The following DHRS7C variants were observed in gnomAD, a reference collection of about 807,000 sequenced individuals.
The protein encoded by DHRS7C is dehydrogenase/reductase SDR family member 7C.
In DHRS7C, 28 loss-of-function variants were observed where a neutral mutation model predicts 29.6. The observed-to-expected ratio is 0.95, with a 90% CI of 0.70 to 1.30. The LOEUF is 1.30. Ranked by LOEUF, DHRS7C falls within the 50% of genes most tolerant of loss-of-function variation. The pLI, the probability that DHRS7C is intolerant of heterozygous loss-of-function variation, is 0.00. For missense variants in DHRS7C, 403 were observed against 393.3 expected (o/e 1.02, Z -0.21); for synonymous variants, 158 against 160.2 (o/e 0.99, Z 0.10).
Position 9,781,473 on chromosome 17 carries a change from A to C in DHRS7C, c.267+9T>G. 3.1e-6 allele frequency: 5 copies of C among 1,613,720 alleles called. No individual in the cohort carries two copies. The highest frequency in any genetic ancestry group is 4.2e-6 in the Non-Finnish European group (5 of 1,179,682). On this transcript the variant is annotated intron_variant, in intron 2 of 5. Transcript: ENST00000571134. ...GGAGTTACCCACGCCTACTGCTAGA[A>C]GACCTTACCTTGCTGGGGTCAGCCA...
chr17:9,778,125 CT>C (rs2066372572), intron 3 of DHRS7C, among the ~76,000 whole-genome samples: 1 of 152,272 alleles, frequency 6.6e-6, no homozygotes, highest in South Asian at 2.1e-4. Flanking sequence ...GGTGCAGTGG[CT>C]CACGCCTGTA....
chr17:9,779,883 C>T lies in DHRS7C; in HGVS notation c.420G>A (p.Leu140=). The part of the protein sequence containing the change: ...KVKGPAHKIS[L]ELDKKIMDAN... ...CATCCATGATCTTTTTGTCGAGCTC[C>T]AGAGAAATCTTATGGGCAGGCCCCT... Residue 140 remains leucine, a synonymous_variant, in exon 3 of 6, where the codon CTG becomes CTA. Transcript: ENST00000571134. 3 of 1,613,794 alleles carry T rather than the reference C, an allele frequency of 1.9e-6. No individual in the cohort carries two copies. The highest frequency in any genetic ancestry group is 2.5e-6 in the Non-Finnish European group (3 of 1,179,856).
rs192356893 is a variant in DHRS7C, at chr17:9,781,599, G to A, written c.155-5C>T. 67 of 1,613,436 alleles carry A rather than the reference G, an allele frequency of 4.2e-5. No individual in the cohort carries two copies. Among genetic ancestry groups the A allele is most frequent in the Non-Finnish European group, 5.6e-5 (66 of 1,179,808 alleles). On this transcript the variant is annotated splice_polypyrimidine_tract_variant and splice_region_variant and intron_variant, in intron 1 of 5. Coordinates refer to ENST00000571134, the MANE Select transcript of DHRS7C (RefSeq NM_001105571.3). Reference sequence around the variant, plus strand: ...TGTGGAACACCCGAGCACACTCTGTGGGGAAGAAGGAAACAGGGCAGGGCA... The same window carrying A: ...TGTGGAACACCCGAGCACACTCTGTAGGGAAGAAGGAAACAGGGCAGGGCA...
At chr17:9,788,460 G>A (rs1367594123) in intron 1 of DHRS7C, among the ~76,000 whole-genome samples, 2 of 152,116 alleles carry the variant, frequency 1.3e-5, no homozygotes, top group Non-Finnish European at 2.9e-5. Flanking sequence ...ACCCGCCTCA[G>A]CCTCCCAAAG....
intron 1 of DHRS7C, 67 bp downstream of exon 1, chr17:9,791,064 G>A: frequency 6.5e-7 from 1 of 1,534,694 alleles, no homozygotes; most frequent in East Asian, 2.4e-5. Context: ...CTGCCGCCCT[G>A]CCACCCTGCC....
chr17:9,773,797 T>G (rs1262365436), intron 4 of DHRS7C, among the ~76,000 whole-genome samples: 2 of 142,094 alleles, frequency 1.4e-5, no homozygotes, highest in Non-Finnish European at 3.0e-5. Flanking sequence ...CGATCTCGGC[T>G]CACTGCAAGC....
intron 4 of DHRS7C, among the ~76,000 whole-genome samples, chr17:9,773,842 A>G (rs1001693942): frequency 6.8e-6 from 1 of 146,580 alleles, no homozygotes; most frequent in Non-Finnish European, 1.5e-5. Flanking sequence ...CTCCTGCCTC[A>G]GCCTCCTGAG....
chr17:9,782,278 A>G (rs1481739268), intron 1 of DHRS7C, among the ~76,000 whole-genome samples: 1 of 152,248 alleles, frequency 6.6e-6, no homozygotes, highest in African/African-American at 2.4e-5. Context: ...AATACTCACA[A>G]TAACCTTATG....
At chr17:9,790,044 C>G (rs2066446005) in intron 1 of DHRS7C, among the ~76,000 whole-genome samples, 1 of 152,110 alleles carries the variant, frequency 6.6e-6, no homozygotes, top group Non-Finnish European at 1.5e-5. Context: ...GAAAACTAAG[C>G]CATCCTCAAA....
At position 9,775,412 on chromosome 17, in the gene DHRS7C, G is replaced by A. The variant is rs1394775335; in HGVS notation, c.571+1781C>T. Among the ~76,000 whole-genome samples, 1 of 152,240 alleles carries A rather than the reference G, an allele frequency of 6.6e-6. No individual in the cohort carries two copies. Among genetic ancestry groups the A allele is most frequent in the Admixed American group, 6.5e-5 (1 of 15,290 alleles). ...TTCTCCCAATAGGATGTGAGCAGCGGTGATGCCAGCCTGGGGACAATGGGA... is the reference window on the plus strand; with the variant it reads ...TTCTCCCAATAGGATGTGAGCAGCGATGATGCCAGCCTGGGGACAATGGGA... On this transcript the variant is annotated intron_variant, in intron 4 of 5. Transcript: ENST00000571134. The surrounding 1 kb of genome is among the most constrained non-coding windows in gnomAD (Gnocchi z 4.2).
chr17:9,791,368 A>G lies in DHRS7C; in HGVS notation c.-84T>C. 1.3e-6 allele frequency: 2 copies of G among 1,504,658 alleles called. No homozygotes were observed. Among genetic ancestry groups the G allele is most frequent in the Non-Finnish European group, 1.8e-6 (2 of 1,111,280 alleles). 93.2% of individuals were successfully genotyped at this position (1,504,658 alleles called of 1,614,324 possible). A position where few individuals can be genotyped will look rare whatever the true frequency, so the allele number is the denominator to read the frequency against. On this transcript the variant is annotated 5_prime_UTR_variant, in exon 1 of 6. Coordinates refer to ENST00000571134, the MANE Select transcript of DHRS7C (RefSeq NM_001105571.3). ...GGACTCCCAGGGCAGGGGGAGGCCC[A>G]AGGCTGCAGGGAGCTCAGCTCTGTG...
At chr17:9,778,694 T>A (rs558253233) in intron 3 of DHRS7C, among the ~76,000 whole-genome samples, 173 of 152,318 alleles carry the variant, frequency 1.1e-3, no homozygotes, top group African/African-American at 3.9e-3. Context: ...GTCATCTTTC[T>A]GCCCCAAATG....
chr17:9,778,265 G>A (rs984329326), intron 3 of DHRS7C, among the ~76,000 whole-genome samples: 3 of 152,012 alleles, frequency 2.0e-5, no homozygotes, highest in Non-Finnish European at 4.4e-5. Context: ...GTGGTGGCGG[G>A]CGCCTGTAGT....
intron 1 of DHRS7C, among the ~76,000 whole-genome samples, chr17:9,788,103 T>A (rs2066434423): frequency 6.6e-6 from 1 of 152,200 alleles, no homozygotes; most frequent in Non-Finnish European, 1.5e-5. Flanking sequence ...ACTGCACCTT[T>A]GAGGTGATAA....
intron 1 of DHRS7C, among the ~76,000 whole-genome samples, chr17:9,789,576 T>C (rs1374115807): frequency 6.6e-6 from 1 of 151,842 alleles, no homozygotes; most frequent in African/African-American, 2.4e-5. Context: ...ACTAATGTGG[T>C]GTGCACTTAC....
At chr17:9,787,992 G>T (rs1004929112) in intron 1 of DHRS7C, among the ~76,000 whole-genome samples, 8 of 152,090 alleles carry the variant, frequency 5.3e-5, no homozygotes, top group Non-Finnish European at 1.0e-4. Context: ...GATTACAGGC[G>T]TGAGCCACAG....
intron 1 of DHRS7C, among the ~76,000 whole-genome samples, chr17:9,784,688 C>A (rs1320506688): frequency 6.6e-6 from 1 of 152,118 alleles, no homozygotes; most frequent in African/African-American, 2.4e-5. Context: ...GAGTAAGCAA[C>A]TCACAAAAGA....
intron 3 of DHRS7C, among the ~76,000 whole-genome samples, chr17:9,777,536 CTT>C (rs35099144): frequency 2.1e-4 from 31 of 147,876 alleles, no homozygotes; most frequent in African/African-American, 2.2e-4. Context: ...ACACTGATTT[CTT>C]TTTTTTTTTT....
intron 1 of DHRS7C, chr17:9,783,034 AT>A (rs2066401999): frequency 6.6e-6 from 1 of 152,390 alleles, no homozygotes; most frequent in Non-Finnish European, 1.5e-5. Flanking sequence ...AGATGGAGGA[AT>A]TGAGATGCTG....
Sources: gnomAD v4.1 joint callset for allele counts (sites outside exome capture counted in the v4.1 genomes callset) on GRCh38, gnomAD v4.1.1 for gene constraint, Gnocchi (gnomAD v3.1) non-coding constraint, MANE v1.5 for transcripts, NCBI Gene and HGNC (gene_info 2026-07-23, HGNC 2026-07-21) for gene names.